The following DPP10 variants were observed in gnomAD, a reference collection of about 807,000 sequenced individuals.
The protein encoded by DPP10 is inactive dipeptidyl peptidase 10.
In DPP10, 33 loss-of-function variants were observed where a neutral mutation model predicts 120.9. The ratio of observed to expected loss-of-function variants is 0.27; its 90% CI spans 0.21 to 0.37. The LOEUF is 0.37. Ranked by LOEUF, DPP10 falls within the 10% of genes least tolerant of loss-of-function variation. The pLI is 1.00. For missense variants in DPP10, 816 were observed against 942.8 expected (o/e 0.87, Z 1.76); for synonymous variants, 337 against 326.1 (o/e 1.03, Z -0.36).
chr2:115,468,495 T>C (rs1290467783), intron 3 of DPP10: 7 of 437,630 alleles, frequency 1.6e-5, no homozygotes, highest in South Asian at 1.2e-4. Flanking sequence ...TGCTCTGTGT[T>C]ACACAGATTC....
intron 1 of DPP10, among the ~76,000 whole-genome samples, chr2:114,947,067 G>T (rs772885928): frequency 1.3e-5 from 2 of 151,958 alleles, no homozygotes; most frequent in Non-Finnish European, 2.9e-5. Flanking sequence ...CAAACGTATT[G>T]CATGGTTTTT....
intron 3 of DPP10, among the ~76,000 whole-genome samples, chr2:115,348,307 C>T (rs998074749): frequency 1.3e-5 from 2 of 152,122 alleles, no homozygotes; most frequent in Non-Finnish European, 2.9e-5. Flanking sequence ...AGTTTATACA[C>T]ATGTTTATTG....
intron 1 of DPP10, among the ~76,000 whole-genome samples, chr2:114,592,329 C>T (rs1438677998): frequency 2.6e-5 from 4 of 152,076 alleles, no homozygotes; most frequent in Admixed American, 2.6e-4. Flanking sequence ...AAACTTTTCC[C>T]TTCAGTTTTT....
chr2:114,513,185 A>G (rs191014125), intron 1 of DPP10, among the ~76,000 whole-genome samples: 66 of 152,262 alleles, frequency 4.3e-4, no homozygotes, highest in African/African-American at 1.6e-3. Context: ...TTCTCACTTC[A>G]CCTTGTCCTT....
intron 1 of DPP10, among the ~76,000 whole-genome samples, chr2:115,071,172 TTC>T (rs778796075): frequency 3.3e-5 from 5 of 152,136 alleles, no homozygotes; most frequent in Non-Finnish European, 5.9e-5. Flanking sequence ...AGAAAATTCT[TTC>T]TTTTTTCTCT....
rs972802750 is a variant in DPP10 at position 115,022,917 on chromosome 2, C to T, written c.61-286322C>T. ...AGTGGGGAAAGGACACTCCATTCAA[C>T]AAATCGTGCTGAGATAATTGGCAAG... On this transcript the variant is annotated intron_variant, in intron 1 of 25. Coordinates refer to ENST00000410059, the MANE Select transcript of DPP10 (RefSeq NM_020868.6). Among the ~76,000 whole-genome samples the T allele has an allele frequency of 4.6e-5, 7 of 152,064 alleles. No individual in the cohort carries two copies. The East Asian group carries it at 9.6e-4, about 21-fold the overall frequency.
intron 1 of DPP10, among the ~76,000 whole-genome samples, chr2:115,295,810 C>A (rs1275491229): frequency 1.3e-5 from 2 of 151,942 alleles, no homozygotes; most frequent in East Asian, 3.9e-4. Context: ...GAAAAATTTT[C>A]TCCTGCACTC....
chr2:114,505,266 G>C (rs1445048347), intron 1 of DPP10, among the ~76,000 whole-genome samples: 2 of 150,040 alleles, frequency 1.3e-5, no homozygotes, highest in African/African-American at 5.0e-5. Flanking sequence ...TAAGACAAAG[G>C]GATTTGGGCT....
intron 1 of DPP10, among the ~76,000 whole-genome samples, chr2:114,528,327 G>A (rs1685676125): frequency 6.6e-6 from 1 of 152,142 alleles, no homozygotes; most frequent in Non-Finnish European, 1.5e-5. Flanking sequence ...AGAAGTGCTT[G>A]TGACTCTATG....
At chr2:114,900,825 G>T (rs913823747) in intron 1 of DPP10, among the ~76,000 whole-genome samples, 3 of 152,078 alleles carry the variant, frequency 2.0e-5, no homozygotes, top group East Asian at 1.9e-4. Flanking sequence ...TTTAAACTTT[G>T]CAGCTAAATA....
chr2:114,896,394 A>T (rs1049428884), intron 1 of DPP10, among the ~76,000 whole-genome samples: 3 of 151,960 alleles, frequency 2.0e-5, no homozygotes, highest in African/African-American at 7.3e-5. Flanking sequence ...TTTTTTTCGT[A>T]TCCTCTTTTA....
intron 1 of DPP10, among the ~76,000 whole-genome samples, chr2:115,225,809 T>A (rs949540330): frequency 3.3e-5 from 5 of 152,136 alleles, no homozygotes; most frequent in African/African-American, 1.2e-4. Context: ...AAAAGATTTT[T>A]TTTTTCAATT....
chr2:115,353,908 A>T (rs888136488), intron 3 of DPP10, among the ~76,000 whole-genome samples: 1 of 152,152 alleles, frequency 6.6e-6, no homozygotes, highest in Non-Finnish European at 1.5e-5. Context: ...CAGTGTTTAT[A>T]AATTAATTTT....
chr2:114,826,572 C>T (rs763254018), intron 1 of DPP10, among the ~76,000 whole-genome samples: 1 of 152,080 alleles, frequency 6.6e-6, no homozygotes, highest in Non-Finnish European at 1.5e-5. Context: ...CCTCTGTCAC[C>T]CAGGCTAGCG....
chr2:114,821,074 A>G (rs1055220986), intron 1 of DPP10, among the ~76,000 whole-genome samples: 1 of 152,208 alleles, frequency 6.6e-6, no homozygotes, highest in Non-Finnish European at 1.5e-5. Context: ...TCCAAAGCCA[A>G]AAGAGGGAAC....
intron 1 of DPP10, chr2:114,835,082 C>T (rs1263927777): frequency 2.0e-5 from 3 of 150,454 alleles, no homozygotes; most frequent in African/African-American, 7.4e-5. Flanking sequence ...GCCATATCTA[C>T]ACACCTATGT....
In DPP10 at chr2:115,332,594, A is replaced by G. The variant is rs191339242; in HGVS notation, c.176-11223A>G. Among the ~76,000 whole-genome samples, 568 of 152,144 alleles carry G rather than the reference A, an allele frequency of 3.7e-3. 1 individual carries two copies. Among genetic ancestry groups the G allele is most frequent in the African/African-American group, 0.013 (537 of 41,512 alleles). On this transcript the variant is annotated intron_variant, in intron 2 of 25. Coordinates refer to ENST00000410059, the MANE Select transcript of DPP10 (RefSeq NM_020868.6). ...TGAATTTCCCGCTACACACTGCTTT[A>G]AATGTGTCCCAGAGATTCTGGTATG...
At chr2:114,984,558 G>A (rs1186714744) in intron 1 of DPP10, among the ~76,000 whole-genome samples, 6 of 152,094 alleles carry the variant, frequency 3.9e-5, no homozygotes, top group Non-Finnish European at 5.9e-5. Context: ...TTAGGAGGCT[G>A]ACACAGAAGG....
chr2:114,849,940 CTCCTTTCCTT>C (rs536762210), intron 1 of DPP10, among the ~76,000 whole-genome samples: 4 of 151,540 alleles, frequency 2.6e-5, no homozygotes, highest in African/African-American at 4.8e-5. Flanking sequence ...TTTCTGTTCT[CTCCTTTCCTT>C]TCCTTTCCTT....
Sources: allele counts gnomAD v4.1 joint callset (sites outside exome capture counted in the v4.1 genomes callset), GRCh38; gene constraint gnomAD v4.1.1; transcripts MANE v1.5; gene names NCBI Gene and HGNC (gene_info 2026-07-23, HGNC 2026-07-21).